The following ARHGEF26 variants were observed in gnomAD, a reference collection of about 807,000 sequenced individuals.
The protein encoded by ARHGEF26 is Rho guanine nucleotide exchange factor 26.
ARHGEF26 carries 59 observed loss-of-function variants against 89.4 expected under a neutral mutation model. The ratio of observed to expected loss-of-function variants is 0.66; its 90% confidence interval spans 0.54 to 0.82. The LOEUF (loss-of-function observed/expected upper bound fraction) is 0.82, where lower values mean the gene tolerates loss of function less well. ARHGEF26 is among the 40% of genes least tolerant of loss of function. The pLI is 0.00. For missense variants in ARHGEF26, 1,234 were observed against 1,085.6 expected, an observed-to-expected ratio of 1.14 and a Z score of -1.92; for synonymous variants, 500 against 428.4, an observed-to-expected ratio of 1.17 and a Z score of -2.06.
intron 4 of ARHGEF26, among the ~76,000 whole-genome samples, chr3:154,134,532 C>T (rs1315758483): frequency 6.6e-6 from 1 of 152,158 alleles, no homozygotes. Context: ...GATCACTTAA[C>T]TCCCACCTGG....
At chr3:154,243,100 T>C (rs1162979103) in intron 12 of ARHGEF26, among the ~76,000 whole-genome samples, 12 of 152,186 alleles carry the variant, frequency 7.9e-5, no homozygotes, top group Admixed American at 3.3e-4. Flanking sequence ...GAGGACAAAC[T>C]AGACTTCCTT....
rs1718055650 is a variant in ARHGEF26 at position 154,122,716 on chromosome 3, G to A, written c.724G>A (p.Ala242Thr). ...GGTTTTGAGTACAAACAGCCCCGCC[G>A]CCCTCAAAGTGGGGAAGCAGCAGAT... ...SVVLSTNSPA[A>T]LKVGKQQIIP... Residue 242 changes from alanine to threonine, a missense_variant, in exon 2 of 15, where the codon GCC becomes ACC. Physicochemically the swap from Ala to Thr is moderately conservative, Grantham distance 58. Transcript: ENST00000465093. 2 of 1,613,368 alleles carry A rather than the reference G, an allele frequency of 1.2e-6. No homozygotes were observed. Among genetic ancestry groups the A allele is most frequent in the South Asian group, 1.1e-5 (1 of 91,010 alleles).
chr3:154,257,168 T>A lies in ARHGEF26; in HGVS notation c.*1695T>A. ...CTGTCACCTCGGCAATGAGCCAGTG[T>A]GGGGCACTGGGGACTTCTAACCCTT... On this transcript the variant is annotated 3_prime_UTR_variant, in exon 15 of 15. Transcript: ENST00000465093. 1 of 541,628 alleles carries A rather than the reference T, an allele frequency of 1.8e-6. No homozygotes were observed. The highest frequency in any genetic ancestry group is 3.1e-6 in the Non-Finnish European group (1 of 323,094). The allele number at this position is 541,628 out of a possible 1,614,324, so 33.6% of individuals were successfully genotyped here. A position where few individuals can be genotyped will look rare whatever the true frequency, so the allele number is the denominator to read the frequency against.
At chr3:154,243,650 T>C (rs2108288158) in intron 12 of ARHGEF26, among the ~76,000 whole-genome samples, 1 of 152,304 alleles carries the variant, frequency 6.6e-6, no homozygotes, top group African/African-American at 2.4e-5. Context: ...TTTGTAGTTA[T>C]TTAATTAATA....
At chr3:154,209,941 T>A (rs531321384) in intron 9 of ARHGEF26, among the ~76,000 whole-genome samples, 2 of 152,338 alleles carry the variant, frequency 1.3e-5, no homozygotes, top group Middle Eastern at 3.4e-3. Flanking sequence ...GTACTGAGGC[T>A]GAGCTGCCAC....
intron 4 of ARHGEF26, among the ~76,000 whole-genome samples, chr3:154,138,241 A>AC (rs1418952137): frequency 3.9e-5 from 1 of 25,712 alleles, no homozygotes; most frequent in Non-Finnish European, 6.0e-5. Flanking sequence ...TATACATGTA[A>AC]ATTTTTTTAA....
intron 12 of ARHGEF26, among the ~76,000 whole-genome samples, chr3:154,245,701 A>T (rs1385500836): frequency 1.3e-5 from 2 of 152,152 alleles, no homozygotes; most frequent in African/African-American, 4.8e-5. Context: ...CCTCCACTGT[A>T]TGACTCCAAA....
In ARHGEF26 at chr3:154,257,465, T is replaced by C. The variant is rs1043509369; in HGVS notation, c.*1992T>C. The C allele has an allele frequency of 1.3e-5, 2 of 152,280 alleles. No individual in the cohort carries two copies. Among genetic ancestry groups the C allele is most frequent in the South Asian group, 2.1e-4 (1 of 4,832 alleles). 9.4% of individuals were successfully genotyped at this position (152,280 alleles called of 1,614,324 possible). ...CTTGCACGGGGATCATTTTGTATTA[T>C]TTTTGCTAATACCCAGTTGAAGCTA... On this transcript the variant is annotated 3_prime_UTR_variant, in exon 15 of 15. Transcript: ENST00000465093.
At chr3:154,220,220 G>T (rs1716040405) in intron 10 of ARHGEF26, among the ~76,000 whole-genome samples, 2 of 152,210 alleles carry the variant, frequency 1.3e-5, no homozygotes, top group Admixed American at 6.5e-5. Context: ...GGCAAGTATT[G>T]TAAGAATAGA....
At chr3:154,136,592 C>G (rs1015937083) in intron 4 of ARHGEF26, among the ~76,000 whole-genome samples, 1 of 152,318 alleles carries the variant, frequency 6.6e-6, no homozygotes, top group South Asian at 2.1e-4. Context: ...TTAGAATTTA[C>G]TCTGTGCTTA....
chr3:154,252,871 G>T (rs1718243439), intron 12 of ARHGEF26, among the ~76,000 whole-genome samples: 2 of 152,066 alleles, frequency 1.3e-5, no homozygotes, highest in Admixed American at 6.6e-5. Flanking sequence ...ACTGTCATAT[G>T]GGAAGTTCCT....
chr3:154,222,037 GTACCCT>G (rs1474027150), intron 10 of ARHGEF26, among the ~76,000 whole-genome samples: 4 of 152,154 alleles, frequency 2.6e-5, no homozygotes, highest in Non-Finnish European at 5.9e-5. Context: ...ACCCTATAAT[GTACCCT>G]TATTATTAAC....
chr3:154,240,703 C>A lies in ARHGEF26; in HGVS notation c.2300+124C>A, dbSNP rs553099035. On this transcript the variant is annotated intron_variant, in intron 12 of 14. Coordinates refer to ENST00000465093, the MANE Select transcript of ARHGEF26 (RefSeq NM_015595.4). ...ATGTTTTTGTTGAGCACCTACTGTT[C>A]GCTAAGCACTATGACTGGGTAATTT... 1.1e-4 allele frequency: 85 copies of A among 779,326 alleles called. 1 individual carries two copies. In the East Asian group the frequency reaches 2.2e-3, roughly 20 times the overall value. 48.3% of individuals were successfully genotyped at this position (779,326 alleles called of 1,614,324 possible).
Position 154,255,848 on chromosome 3 carries a change from A to T in ARHGEF26, c.*375A>T. ...CTAAGGTGACTGTCTCTCTTTATAC[A>T]TCCTTGTATGGTTCTCCCAGTATTA... On this transcript the variant is annotated 3_prime_UTR_variant, in exon 15 of 15. Transcript: ENST00000465093. The T allele has an allele frequency of 9.9e-7, 1 of 1,015,136 alleles. No individual in the cohort carries two copies. Among genetic ancestry groups the T allele is most frequent in the South Asian group, 4.4e-5 (1 of 22,564 alleles). The allele number at this position is 1,015,136 out of a possible 1,614,324, so 62.9% of individuals were successfully genotyped here.
In ARHGEF26 at chr3:154,201,314, C is replaced by A. The variant is rs1714620409; in HGVS notation, c.1845+6596C>A. 2.0e-5 allele frequency among the ~76,000 whole-genome samples: 3 copies of A among 152,194 alleles called. No homozygotes were observed. The South Asian group carries it at 6.2e-4, about 32-fold the overall frequency. ...TGATGGTTTCCAGCTTCATCCATGT[C>A]CCTACAAAGGACATGAACTCATCAT... On this transcript the variant is annotated intron_variant, in intron 9 of 14. Coordinates refer to ENST00000465093, the MANE Select transcript of ARHGEF26 (RefSeq NM_015595.4).
chr3:154,208,763 A>AT (rs35181733), intron 9 of ARHGEF26, among the ~76,000 whole-genome samples: 20,160 of 107,338 alleles, frequency 0.19, 3,029 homozygotes, highest in East Asian at 0.4. Context: ...TGCCAATTGC[A>AT]TTTTTTTTTT....
chr3:154,187,944 G>T, intron 7 of ARHGEF26, 107 bp downstream of exon 7: 1 of 1,104,382 alleles, frequency 9.1e-7, no homozygotes, highest in Non-Finnish European at 1.2e-6. Flanking sequence ...AATGCCTCCT[G>T]ATAGGCTATT....
At chr3:154,230,907 C>A (rs550168857) in intron 11 of ARHGEF26, among the ~76,000 whole-genome samples, 5 of 152,034 alleles carry the variant, frequency 3.3e-5, no homozygotes, top group Admixed American at 2.6e-4. Context: ...GTTTGAACAC[C>A]CAGTGGCTCA....
intron 6 of ARHGEF26, among the ~76,000 whole-genome samples, chr3:154,170,479 A>G (rs995697219): frequency 6.6e-6 from 1 of 152,236 alleles, no homozygotes; most frequent in Non-Finnish European, 1.5e-5. Flanking sequence ...CAATTGAGAC[A>G]TTTTGAAAGT....
Sources: gnomAD v4.1 joint callset for allele counts (sites outside exome capture counted in the v4.1 genomes callset) on GRCh38, gnomAD v4.1.1 for gene constraint, MANE v1.5 for transcripts, NCBI Gene and HGNC (gene_info 2026-07-23, HGNC 2026-07-21) for gene names.